EPB41: variants seen among roughly 807,000 people sequenced by gnomAD.
The protein encoded by EPB41 is protein 4.1.
A neutral mutation model predicts 108.0 loss-of-function variants in EPB41; 65 were observed. The observed-to-expected ratio is 0.60, with a 90% CI of 0.49 to 0.74. The LOEUF (loss-of-function observed/expected upper bound fraction) is 0.74, where lower values mean the gene tolerates loss of function less well. Among genes scored for constraint, EPB41 ranks in the 30% least tolerant of loss-of-function variants. The probability of loss-of-function intolerance (pLI) is 0.00; values close to 1 mark genes in which losing one functional copy is unlikely to be tolerated. For missense variants in EPB41, 875 were observed against 1,037.0 expected, an observed-to-expected ratio of 0.84 and a Z score of 2.15; for synonymous variants, 336 against 358.9, an observed-to-expected ratio of 0.94 and a Z score of 0.72.
At chr1:29,045,807 TAAAAAA>T (rs201526339) in intron 11 of EPB41, among the ~76,000 whole-genome samples, 1 of 103,774 alleles carries the variant, frequency 9.6e-6, no homozygotes, top group Non-Finnish European at 2.0e-5. Context: ...ACCCTGTCTC[TAAAAAA>T]AAAAAAAAAA....
intron 1 of EPB41, among the ~76,000 whole-genome samples, chr1:28,931,928 G>A (rs1233666805): frequency 6.6e-6 from 1 of 152,160 alleles, no homozygotes; most frequent in Non-Finnish European, 1.5e-5. Context: ...ACAAATGAGG[G>A]CCCTGAGCTT....
intron 1 of EPB41, among the ~76,000 whole-genome samples, chr1:28,897,465 C>T (rs1270099516): frequency 6.6e-6 from 1 of 151,676 alleles, no homozygotes; most frequent in East Asian, 1.9e-4. Context: ...GGGAGGATCC[C>T]TTGAGCCCAG....
At chr1:29,000,692 C>G (rs138353895) in intron 4 of EPB41, among the ~76,000 whole-genome samples, 2 of 152,100 alleles carry the variant, frequency 1.3e-5, no homozygotes, top group African/African-American at 4.8e-5. Context: ...GTCAGGGCAT[C>G]GACAGGTCTG....
chr1:29,087,494 C>T (rs1187512336), intron 16 of EPB41, among the ~76,000 whole-genome samples: 2 of 152,102 alleles, frequency 1.3e-5, no homozygotes, highest in Non-Finnish European at 2.9e-5. Context: ...TCCCGAGTAG[C>T]AGGGATTACA....
intron 12 of EPB41, among the ~76,000 whole-genome samples, chr1:29,056,253 AACAAC>A (rs1186887155): frequency 2.6e-5 from 4 of 151,744 alleles, no homozygotes; most frequent in African/African-American, 9.7e-5. Context: ...AAAAACAAAA[AACAAC>A]AAAACAAAAC....
chr1:29,097,657 G>A (rs1663690512), intron 16 of EPB41, 150 bp from the exon 17 acceptor site: 1 of 859,634 alleles, frequency 1.2e-6, no homozygotes, highest in Non-Finnish European at 1.9e-6. Context: ...TTGGAATACT[G>A]TCGAAGTCTT....
At chr1:28,935,097 G>A (rs1435284016) in intron 1 of EPB41, among the ~76,000 whole-genome samples, 1 of 151,646 alleles carries the variant, frequency 6.6e-6, no homozygotes, top group Non-Finnish European at 1.5e-5. Flanking sequence ...GGTTGACAAA[G>A]TGAGACCCTG....
intron 8 of EPB41, among the ~76,000 whole-genome samples, chr1:29,032,673 G>T (rs1343704519): frequency 6.6e-6 from 1 of 152,018 alleles, no homozygotes; most frequent in African/African-American, 2.4e-5. Context: ...ATATAAATAT[G>T]ATTTCATTGT....
chr1:28,893,121 G>A (rs981015477), intron 1 of EPB41, among the ~76,000 whole-genome samples: 8 of 151,586 alleles, frequency 5.3e-5, no homozygotes, highest in African/African-American at 9.7e-5. Flanking sequence ...TCACTCTGTC[G>A]CCCAGGTTAG....
intron 1 of EPB41, among the ~76,000 whole-genome samples, chr1:28,929,419 A>G (rs2093618099): frequency 6.7e-6 from 1 of 150,022 alleles, no homozygotes; most frequent in Non-Finnish European, 1.5e-5. Flanking sequence ...TTTAGTAGAG[A>G]CGGGGTTTCA....
chr1:29,035,718 A>G, intron 9 of EPB41, 108 bp from the exon 10 acceptor site: 1 of 822,666 alleles, frequency 1.2e-6, no homozygotes, highest in Non-Finnish European at 2.0e-6. Flanking sequence ...TAAATTGGTA[A>G]CAATGGCCTC....
At chr1:28,889,898 T>G (rs1001874787) in intron 1 of EPB41, 1 of 936,452 alleles carries the variant, frequency 1.1e-6, no homozygotes, top group Non-Finnish European at 1.3e-6. Context: ...CACCACAGAG[T>G]TATGGTGTCC....
upstream of EPB41, among the ~76,000 whole-genome samples, chr1:28,911,771 G>C (rs2092268603): frequency 6.6e-6 from 1 of 152,138 alleles, no homozygotes; most frequent in Admixed American, 6.6e-5. Context: ...GGCCAGGCAT[G>C]GTGGCTCATG....
At chr1:29,067,649 G>A (rs1458339487) in intron 16 of EPB41, among the ~76,000 whole-genome samples, 1 of 144,652 alleles carries the variant, frequency 6.9e-6, no homozygotes, top group Non-Finnish European at 1.5e-5. Flanking sequence ...CCTGGGCAAC[G>A]GCAAGACTCC....
chr1:29,011,952 A>G (rs1294486063), intron 5 of EPB41, 45 bp downstream of exon 5: 1 of 1,603,022 alleles, frequency 6.2e-7, no homozygotes, highest in South Asian at 1.1e-5. Context: ...TTCTTTTAGT[A>G]GGTCAGAGGA....
chr1:29,011,105 CA>C (rs2096492420), intron 4 of EPB41, among the ~76,000 whole-genome samples: 1 of 97,986 alleles, frequency 1.0e-5, no homozygotes, highest in African/African-American at 3.9e-5. Context: ...GCCTGGGCGA[CA>C]AGAGTGAAAC....
chr1:29,041,656 AAAAG>A (rs1641602138), intron 11 of EPB41, among the ~76,000 whole-genome samples: 1 of 152,158 alleles, frequency 6.6e-6, no homozygotes, highest in South Asian at 2.1e-4. Flanking sequence ...TCAAAAAAAA[AAAAG>A]AAGCTCAGTG....
intron 5 of EPB41, among the ~76,000 whole-genome samples, chr1:29,013,854 TTA>T (rs201513821): frequency 2.3e-3 from 295 of 129,834 alleles, no homozygotes; most frequent in African/African-American, 6.7e-3. Flanking sequence ...TTTTTTTTTT[TTA>T]ATCACACAAG....
chr1:29,069,506 T>G (rs1650215959), intron 16 of EPB41: 1 of 1,083,980 alleles, frequency 9.2e-7, no homozygotes, highest in Non-Finnish European at 1.1e-6. Context: ...TTTTTGTTTT[T>G]CTTTTGCAAT....
Sources: gnomAD v4.1 joint callset for allele counts (sites outside exome capture counted in the v4.1 genomes callset) on GRCh38, gnomAD v4.1.1 for gene constraint, MANE v1.5 for transcripts, NCBI Gene and HGNC (gene_info 2026-07-23, HGNC 2026-07-21) for gene names.